Variants in PTPN5 observed in about 807,000 individuals in gnomAD.
The protein encoded by PTPN5 is tyrosine-protein phosphatase non-receptor type 5.
A neutral mutation model predicts 73.9 loss-of-function variants in PTPN5; 29 were observed. The observed-to-expected ratio is 0.39, with a 90% CI of 0.29 to 0.54. The LOEUF is 0.54. Among genes scored for constraint, PTPN5 ranks in the 20% least tolerant of loss-of-function variants. The pLI is 0.65. For missense variants in PTPN5, 652 were observed against 751.4 expected (o/e 0.87, Z 1.55); for synonymous variants, 267 against 304.7 (o/e 0.88, Z 1.29).
At position 18,740,751 on chromosome 11, in the gene PTPN5, G is replaced by A. The variant is rs767458655; in HGVS notation, c.767C>T (p.Pro256Leu). Reference protein sequence around the residue: ...NVSLTLDMCTPGCNEEGFGYL... With the variant: ...NVSLTLDMCTLGCNEEGFGYL... ...GCCAAAGCCCTCCTCGTTGCAGCCC[G>A]GAGTGCACATGTCCAGGGTCAGGGA... The change falls in exon 8 of 15, where the codon CCG (proline) becomes CTG (leucine). Residue 256 changes from proline to leucine, a missense_variant. Pro to Leu is a moderately conservative substitution (Grantham distance 98, BLOSUM62 -3). Around this residue, in one of 3 missense-constraint regions of PTPN5, gnomAD observed 529 missense variants for 573.9 expected, o/e 0.92. Coordinates refer to ENST00000358540, the MANE Select transcript of PTPN5 (RefSeq NM_006906.2). 5 of 1,594,060 alleles carry A rather than the reference G, an allele frequency of 3.1e-6. No individual in the cohort carries two copies. The highest frequency in any genetic ancestry group is 2.3e-5 in the East Asian group (1 of 43,510).
rs1017319716 is a variant in PTPN5, at chr11:18,744,120, G to A, written c.177C>T (p.Pro59=). The change falls in exon 4 of 15, where the codon CCC becomes CCT. Residue 59 remains proline, a synonymous_variant. Coordinates refer to ENST00000358540, the MANE Select transcript of PTPN5 (RefSeq NM_006906.2). ...GATCTGAGGGCGGCGAGGGAGGAGG[G>A]GGTGGCGGCATCTCTCTCTGTGAGT... ...LQDSQREMPP[P]PPPSPPSDPA... 2 of 1,610,578 alleles carry A rather than the reference G, an allele frequency of 1.2e-6. No homozygotes were observed. Among genetic ancestry groups the A allele is most frequent in the Non-Finnish European group, 1.7e-6 (2 of 1,178,716 alleles).
upstream of PTPN5, chr11:18,792,406 C>G (rs936567010): frequency 1.3e-5 from 2 of 152,456 alleles, no homozygotes; most frequent in Non-Finnish European, 1.5e-5. Flanking sequence ...CCCAGTTCTC[C>G]CTGTTCAGCC....
chr11:18,764,301 A>G (rs1459550770), intron 3 of PTPN5, among the ~76,000 whole-genome samples: 1 of 152,186 alleles, frequency 6.6e-6, no homozygotes, highest in Non-Finnish European at 1.5e-5. Context: ...ACGTCATCCT[A>G]AGATACACAG....
chr11:18,764,246 G>A (rs1468244856), intron 3 of PTPN5, among the ~76,000 whole-genome samples: 1 of 152,174 alleles, frequency 6.6e-6, no homozygotes, highest in East Asian at 1.9e-4. Context: ...AGAGTTCTGC[G>A]TCTATGGGCC....
In PTPN5 at chr11:18,742,533, C is replaced by G; in HGVS notation, c.484-30G>C. The G allele has an allele frequency of 6.2e-7, 1 of 1,607,442 alleles. No homozygotes were observed. The highest frequency in any genetic ancestry group is 1.3e-5 in the African/African-American group (1 of 74,926). On this transcript the variant is annotated intron_variant, in intron 6 of 14. Coordinates refer to ENST00000358540, the MANE Select transcript of PTPN5 (RefSeq NM_006906.2). The surrounding 1 kb of genome is among the most constrained non-coding windows in gnomAD (Gnocchi z 4.1). ...TTGGGGTGTACAGCATCACAGATTT[C>G]GGACCACGCTGGCTGCCCCCCGTGT... is the stretch of plus-strand genomic sequence containing the variant.
intron 8 of PTPN5, among the ~76,000 whole-genome samples, chr11:18,738,231 A>G (rs1849203717): frequency 6.6e-6 from 1 of 152,224 alleles, no homozygotes; most frequent in African/African-American, 2.4e-5. Flanking sequence ...TAGCTGATGA[A>G]TGAAGAAAAA....
At position 18,771,908 on chromosome 11, in the gene PTPN5, T is replaced by C. The variant is rs536549786; in HGVS notation, c.20+31A>G. The C allele has an allele frequency of 1.4e-5, 22 of 1,596,440 alleles. No homozygotes were observed. The South Asian group carries it at 2.5e-4, about 18-fold the overall frequency. On this transcript the variant is annotated intron_variant, in intron 2 of 14. Transcript: ENST00000358540. The stretch of plus-strand genomic sequence containing the variant: ...AGGCTTGGCCTCCTCAGTGGGCGGG[T>C]TGCAGGGGGACGGCGTAAACGCTCA...
chr11:18,769,198 A>G (rs1200677672), intron 2 of PTPN5, among the ~76,000 whole-genome samples: 1 of 152,198 alleles, frequency 6.6e-6, no homozygotes, highest in Non-Finnish European at 1.5e-5. Flanking sequence ...CTAGGAATAC[A>G]GTGATGAATA....
At chr11:18,791,354 C>G (rs894715896) in intron 1 of PTPN5, among the ~76,000 whole-genome samples, 171 bp downstream of exon 1, 1 of 152,202 alleles carries the variant, frequency 6.6e-6, no homozygotes, top group African/African-American at 2.4e-5. Context: ...GGACCCCTCC[C>G]CCAGCATGCG....
chr11:18,743,220 A>G, intron 5 of PTPN5, 102 bp downstream of exon 5: 4 of 1,275,586 alleles, frequency 3.1e-6, no homozygotes, highest in Non-Finnish European at 4.6e-6. Context: ...GCTTGGAAGT[A>G]TCTTCTGAAC....
At chr11:18,779,422 A>T (rs1851319744) in intron 1 of PTPN5, among the ~76,000 whole-genome samples, 1 of 152,186 alleles carries the variant, frequency 6.6e-6, no homozygotes, top group Non-Finnish European at 1.5e-5. Context: ...GTCAAGGTTG[A>T]AAGGAGCCTG....
At chr11:18,774,390 G>C (rs1851046064) in intron 1 of PTPN5, among the ~76,000 whole-genome samples, 1 of 152,218 alleles carries the variant, frequency 6.6e-6, no homozygotes, top group Non-Finnish European at 1.5e-5. Flanking sequence ...GACAAGAGAG[G>C]CATCCCAGGA....
intron 7 of PTPN5, among the ~76,000 whole-genome samples, chr11:18,740,999 C>T (rs940396593): frequency 1.2e-4 from 18 of 152,240 alleles, no homozygotes; most frequent in African/African-American, 4.3e-4. Context: ...CTATCTCCTG[C>T]CTCCTGCAGT....
Position 18,733,536 on chromosome 11 carries a change from G to A in PTPN5, c.1080+20C>T, listed in dbSNP as rs775164746. ...CAGGCCTCCCCTTGAGCAAGAGGCC[G>A]TCAGGGTGGGAATACGTACCCGGAT... On this transcript the variant is annotated intron_variant, in intron 10 of 14. Transcript: ENST00000358540. The surrounding 1 kb of genome is among the most constrained non-coding windows in gnomAD (Gnocchi z 4.3). 1.8e-5 allele frequency: 29 copies of A among 1,613,622 alleles called. No homozygotes were observed. The highest frequency in any genetic ancestry group is 1.2e-4 in the Admixed American group (7 of 60,012).
At chr11:18,774,412 C>T (rs1851047537) in intron 1 of PTPN5, among the ~76,000 whole-genome samples, 1 of 152,200 alleles carries the variant, frequency 6.6e-6, no homozygotes, top group Non-Finnish European at 1.5e-5. Flanking sequence ...CATGTGCCCT[C>T]CCTCGCTGAC....
intron 3 of PTPN5, 114 bp downstream of exon 3, chr11:18,765,693 G>T (rs1564918200): frequency 6.7e-6 from 5 of 740,794 alleles, no homozygotes; most frequent in Non-Finnish European, 9.7e-6. Flanking sequence ...CAGCTGCATG[G>T]ATATTCTTGC....
At position 18,781,195 on chromosome 11, in the gene PTPN5, A is replaced by T. The variant is rs534996305; in HGVS notation, c.-113-9124T>A. On this transcript the variant is annotated intron_variant, in intron 1 of 14. Coordinates refer to ENST00000358540, the MANE Select transcript of PTPN5 (RefSeq NM_006906.2). ...GACTCCCTGAGCTGCGCTACTTTGC[A>T]CTCATCCATGCCACTTCCCATGATG... Among the ~76,000 whole-genome samples, 4 of 148,572 alleles carry T rather than the reference A, an allele frequency of 2.7e-5. No individual in the cohort carries two copies. The East Asian group carries it at 8.1e-4, about 30-fold the overall frequency.
intron 11 of PTPN5, 84 bp from the exon 12 acceptor site, chr11:18,732,786 T>C: frequency 8.8e-7 from 1 of 1,133,690 alleles, no homozygotes; most frequent in Non-Finnish European, 1.3e-6. Context: ...AGCGGAGAGA[T>C]ACACAAGGGC....
Position 18,733,563 on chromosome 11 carries a change from T to C in PTPN5, c.1073A>G (p.Tyr358Cys). The change falls in exon 10 of 15, where the codon TAC (tyrosine) becomes TGC (cysteine). Residue 358 changes from tyrosine to cysteine, a missense_variant. By Grantham distance (194) the Tyr-to-Cys change is radical. Around this residue, in one of 3 missense-constraint regions of PTPN5, gnomAD observed 529 missense variants for 573.9 expected, o/e 0.92. Coordinates refer to ENST00000358540, the MANE Select transcript of PTPN5 (RefSeq NM_006906.2). The surrounding 1 kb of genome is among the most constrained non-coding windows in gnomAD (Gnocchi z 4.3). ...DPLSSYINANYIRGYGGEEKV... is the reference protein window; with the variant it reads ...DPLSSYINANCIRGYGGEEKV... ...CAGGGTGGGAATACGTACCCGGATGTAGTTGGCATTGATGTAGGAACTCAG... is the reference window on the plus strand; with the variant it reads ...CAGGGTGGGAATACGTACCCGGATGCAGTTGGCATTGATGTAGGAACTCAG... 6.2e-7 allele frequency: 1 copy of C among 1,614,188 alleles called. No homozygotes were observed. Among genetic ancestry groups the C allele is most frequent in the Admixed American group, 1.7e-5 (1 of 60,022 alleles).
Sources: gnomAD v4.1 joint callset for allele counts (sites outside exome capture counted in the v4.1 genomes callset) on GRCh38, gnomAD v4.1.1 for gene constraint, gnomAD v4.1.1 regional missense constraint, Gnocchi (gnomAD v3.1) non-coding constraint, MANE v1.5 for transcripts, NCBI Gene and HGNC (gene_info 2026-07-23, HGNC 2026-07-21) for gene names.